The following MEOX2 variants were observed in gnomAD, a reference collection of about 807,000 sequenced individuals.
MEOX2 encodes homeobox protein MOX-2.
MEOX2 carries 11 observed loss-of-function variants against 27.0 expected under a neutral mutation model. That is an observed-to-expected ratio of 0.41 (90% CI 0.26 to 0.68). The LOEUF (loss-of-function observed/expected upper bound fraction) is 0.68. MEOX2 is among the 30% of genes least tolerant of loss of function. The pLI is 0.33. For synonymous variants in MEOX2, 189 were observed against 155.4 expected (o/e 1.22, Z -1.61); for missense variants, 436 against 385.4 (o/e 1.13, Z -1.10).
intron 1 of MEOX2, among the ~76,000 whole-genome samples, chr7:15,661,917 T>C (rs1408928989): frequency 6.6e-6 from 1 of 152,160 alleles, no homozygotes; most frequent in Non-Finnish European, 1.5e-5. Flanking sequence ...TACTGTAAAA[T>C]TGCATTATGC....
chr7:15,654,490 G>A (rs139942488), intron 1 of MEOX2, among the ~76,000 whole-genome samples: 2 of 151,588 alleles, frequency 1.3e-5, no homozygotes, highest in Admixed American at 6.6e-5. Flanking sequence ...TGATCTTAAG[G>A]GTAAAACATT....
chr7:15,621,861 G>A (rs997033471), intron 2 of MEOX2, among the ~76,000 whole-genome samples: 6 of 152,158 alleles, frequency 3.9e-5, no homozygotes, highest in South Asian at 2.1e-4. Flanking sequence ...GCTCAAGCCC[G>A]TAATCTCAGC....
chr7:15,614,988 A>G (rs1781099578), intron 2 of MEOX2, among the ~76,000 whole-genome samples: 1 of 152,152 alleles, frequency 6.6e-6, no homozygotes, highest in Non-Finnish European at 1.5e-5. Flanking sequence ...AGTTGAAATC[A>G]TGTATCATAT....
In MEOX2 at chr7:15,660,941, A is replaced by T. The variant is rs1781904012; in HGVS notation, c.517+24945T>A. On this transcript the variant is annotated intron_variant, in intron 1 of 2. Transcript: ENST00000262041. ...GGTGGGAGGATCACTTGAACTCGGG[A>T]GGTGGATGTTGCAGTGAGCCGAGAT... 2.4e-5 allele frequency among the ~76,000 whole-genome samples: 3 copies of T among 124,524 alleles called. No individual in the cohort carries two copies. In the South Asian group the frequency reaches 8.4e-4, roughly 35 times the overall value. 81.7% of individuals were successfully genotyped at this position (124,524 alleles called of 152,430 possible). A position where few individuals can be genotyped will look rare whatever the true frequency, so the allele number is the denominator to read the frequency against.
At chr7:15,674,554 TTC>T (rs1491225932) in intron 1 of MEOX2, among the ~76,000 whole-genome samples, 1,805 of 149,770 alleles carry the variant, frequency 0.012, 30 homozygotes, top group African/African-American at 0.038. Flanking sequence ...AGATAAAAGA[TTC>T]TGTGTGTGTG....
intron 1 of MEOX2, among the ~76,000 whole-genome samples, chr7:15,675,727 C>CTT (rs1562615900): frequency 1.3e-5 from 2 of 152,152 alleles, no homozygotes; most frequent in African/African-American, 4.8e-5. Flanking sequence ...ATTAAGAAAA[C>CTT]TTTGACAAAT....
chr7:15,664,888 T>G (rs1292108989), intron 1 of MEOX2, among the ~76,000 whole-genome samples: 1 of 152,192 alleles, frequency 6.6e-6, no homozygotes, highest in Non-Finnish European at 1.5e-5. Context: ...GCATCTCATT[T>G]CCACTTATTA....
At chr7:15,679,657 A>T (rs898542801) in intron 1 of MEOX2, 13 of 152,064 alleles carry the variant, frequency 8.5e-5, no homozygotes, top group African/African-American at 3.1e-4. Flanking sequence ...AATTGTCATC[A>T]AGGTACACAA....
chr7:15,678,880 G>A (rs575045359), intron 1 of MEOX2: 10 of 150,524 alleles, frequency 6.6e-5, no homozygotes, highest in Non-Finnish European at 1.0e-4. Context: ...CCACAGTCAC[G>A]TAAGATAACT....
chr7:15,651,690 A>G (rs964542081), intron 1 of MEOX2, among the ~76,000 whole-genome samples: 1 of 151,996 alleles, frequency 6.6e-6, no homozygotes, highest in South Asian at 2.1e-4. Flanking sequence ...TGTACTCTTG[A>G]TCAGTGCTCA....
intron 1 of MEOX2, among the ~76,000 whole-genome samples, chr7:15,648,343 A>C (rs1050446772): frequency 8.5e-5 from 13 of 152,114 alleles, no homozygotes; most frequent in Non-Finnish European, 1.5e-4. Flanking sequence ...TTTTTCCTTA[A>C]AATTGTAACC....
rs552401124 is a variant in MEOX2 at position 15,669,603 on chromosome 7, G to T, written c.517+16283C>A. Among the ~76,000 whole-genome samples, 7 of 152,342 alleles carry T rather than the reference G, an allele frequency of 4.6e-5. No individual in the cohort carries two copies. The East Asian group carries it at 1.4e-3, about 29-fold the overall frequency. On this transcript the variant is annotated intron_variant, in intron 1 of 2. Transcript: ENST00000262041. ...CTTCCCACATAGTCAAAACTCTGCA[G>T]TCGTGGCAGCTGAATTGCGTAATGT...
intron 1 of MEOX2, among the ~76,000 whole-genome samples, chr7:15,661,584 C>T (rs906750256): frequency 6.6e-6 from 1 of 152,148 alleles, no homozygotes; most frequent in African/African-American, 2.4e-5. Context: ...GGAGATGAAT[C>T]AATCATCCTA....
chr7:15,612,710 G>C, intron 2 of MEOX2, 99 bp from the exon 3 acceptor site: 1 of 923,612 alleles, frequency 1.1e-6, no homozygotes, highest in African/African-American at 1.7e-5. Flanking sequence ...GTTCCTCAAA[G>C]GCTTATACAA....
At chr7:15,659,441 G>C (rs1327767200) in intron 1 of MEOX2, among the ~76,000 whole-genome samples, 1 of 152,098 alleles carries the variant, frequency 6.6e-6, no homozygotes, top group Non-Finnish European at 1.5e-5. Context: ...TATCTGTAAT[G>C]TCTAAACCCA....
At chr7:15,621,262 A>G (rs929490317) in intron 2 of MEOX2, among the ~76,000 whole-genome samples, 1 of 152,210 alleles carries the variant, frequency 6.6e-6, no homozygotes, top group Non-Finnish European at 1.5e-5. Flanking sequence ...GTGATCTGTA[A>G]CTGTTCAACA....
intron 1 of MEOX2, among the ~76,000 whole-genome samples, chr7:15,658,937 C>G (rs911069599): frequency 6.6e-6 from 1 of 152,202 alleles, no homozygotes; most frequent in Non-Finnish European, 1.5e-5. Context: ...ACTAGCTATT[C>G]TGCCTCATCT....
intron 2 of MEOX2, among the ~76,000 whole-genome samples, chr7:15,619,430 C>T (rs1220421293): frequency 6.6e-6 from 1 of 151,822 alleles, no homozygotes; most frequent in Non-Finnish European, 1.5e-5. Context: ...TTTTGCTTCC[C>T]TAGTGAGGAA....
chr7:15,623,443 C>T (rs1410660022), intron 2 of MEOX2, among the ~76,000 whole-genome samples: 2 of 152,180 alleles, frequency 1.3e-5, no homozygotes, highest in Non-Finnish European at 2.9e-5. Context: ...AAACTCAACT[C>T]ACTGCAACTT....
Sources: gnomAD v4.1 joint callset for allele counts (sites outside exome capture counted in the v4.1 genomes callset) on GRCh38, gnomAD v4.1.1 for gene constraint, MANE v1.5 for transcripts, NCBI Gene and HGNC (gene_info 2026-07-23, HGNC 2026-07-21) for gene names.